The following VPS53 variants were observed in gnomAD, a reference collection of about 807,000 sequenced individuals.
The protein encoded by VPS53 is vacuolar protein sorting-associated protein 53 homolog.
In VPS53, 70 loss-of-function variants were observed where a neutral mutation model predicts 107.0. The observed-to-expected ratio is 0.65, with a 90% confidence interval of 0.54 to 0.80. VPS53 has a LOEUF of 0.80. Among genes scored for constraint, VPS53 ranks in the 30% least tolerant of loss-of-function variants. The probability of loss-of-function intolerance (pLI) is 0.00; values close to 1 mark genes in which losing one functional copy is unlikely to be tolerated. For missense variants in VPS53, 917 were observed against 1,049.4 expected (o/e 0.87, Z 1.74); for synonymous variants, 409 against 393.3 (o/e 1.04, Z -0.47).
intron 12 of VPS53, among the ~76,000 whole-genome samples, chr17:588,768 C>A (rs1445091175): frequency 1.3e-5 from 2 of 152,236 alleles, no homozygotes; most frequent in African/African-American, 4.8e-5. Context: ...GAGCTTGAAT[C>A]TGCCGGATCT....
At chr17:567,075 C>T (rs1349339206) in intron 13 of VPS53, among the ~76,000 whole-genome samples, 3 of 152,018 alleles carry the variant, frequency 2.0e-5, no homozygotes, top group East Asian at 1.9e-4. Flanking sequence ...CGTGAGCCAA[C>T]GCGCCAGCCA....
At chr17:646,772 ACTG>A (rs1970730445) in intron 7 of VPS53, among the ~76,000 whole-genome samples, 2 of 56,670 alleles carry the variant, frequency 3.5e-5, no homozygotes, top group Non-Finnish European at 1.3e-4. Context: ...AATCCACACC[ACTG>A]ACTGGAGATC....
chr17:686,169 A>C (rs561032607), intron 4 of VPS53, among the ~76,000 whole-genome samples: 91 of 152,190 alleles, frequency 6.0e-4, no homozygotes, highest in Middle Eastern at 6.8e-3. Flanking sequence ...AAGTGTTTTA[A>C]AACAGTCAGG....
chr17:579,058 C>T (rs1966865653), intron 13 of VPS53, among the ~76,000 whole-genome samples: 1 of 151,408 alleles, frequency 6.6e-6, no homozygotes, highest in Non-Finnish European at 1.5e-5. Context: ...CAGAGAACCT[C>T]CCTCAGAACC....
intron 13 of VPS53, among the ~76,000 whole-genome samples, chr17:575,539 T>C (rs1914524939): frequency 6.6e-6 from 1 of 151,882 alleles, no homozygotes; most frequent in Non-Finnish European, 1.5e-5. Context: ...ACCTAATGTG[T>C]TCCCAGAGAA....
rs867572163 is a variant in VPS53 at position 519,365 on chromosome 17, A to C, written c.2329-67T>G. 1.4e-6 allele frequency: 2 copies of C among 1,410,188 alleles called. No homozygotes were observed. The highest frequency in any genetic ancestry group is 3.7e-4 in the Middle Eastern group (2 of 5,420). 87.4% of individuals were successfully genotyped at this position (1,410,188 alleles called of 1,614,324 possible). ...CAGAATGGCCCACGGGGGACAGCGCAGTATCTGGATATGGGGTCAGCAGAG... is the reference window on the plus strand; with the variant it reads ...CAGAATGGCCCACGGGGGACAGCGCCGTATCTGGATATGGGGTCAGCAGAG... On this transcript the variant is annotated intron_variant, in intron 21 of 21. Transcript: ENST00000437048. This position sits in a 1 kb window ranked among gnomAD's most constrained non-coding sequence, Gnocchi z 5.0.
chr17:639,840 G>A (rs966496846), intron 7 of VPS53, among the ~76,000 whole-genome samples: 2 of 152,342 alleles, frequency 1.3e-5, no homozygotes, highest in East Asian at 3.9e-4. Flanking sequence ...TAGGCTACTC[G>A]GGGGTCAGGG....
intron 11 of VPS53, among the ~76,000 whole-genome samples, chr17:611,557 C>T (rs986266126): frequency 6.6e-6 from 1 of 152,184 alleles, no homozygotes; most frequent in African/African-American, 2.4e-5. Flanking sequence ...CTAGGGTTAC[C>T]ATGTGACCCA....
rs1306101665 is a variant in VPS53 at position 514,491 on chromosome 17, T to G, written c.*4637A>C. 1 of 146,782 alleles carries G rather than the reference T, an allele frequency of 6.8e-6. No homozygotes were observed. Among genetic ancestry groups the G allele is most frequent in the Non-Finnish European group, 1.5e-5 (1 of 66,758 alleles). 9.1% of individuals were successfully genotyped at this position (146,782 alleles called of 1,614,324 possible). On this transcript the variant is annotated 3_prime_UTR_variant, in exon 22 of 22. Transcript: ENST00000437048. ...AGCAGGTTATTCTGAGTGCTCTTCC[T>G]AGCCAAGGAATCCCATTTCCAGCAG... is the stretch of plus-strand genomic sequence containing the variant.
At chr17:662,514 C>T (rs972361407) in intron 4 of VPS53, among the ~76,000 whole-genome samples, 3 of 151,834 alleles carry the variant, frequency 2.0e-5, no homozygotes, top group Admixed American at 6.6e-5. Flanking sequence ...ACGGTGAAAC[C>T]CCATCTCTAC....
rs1245856880 is a variant in VPS53 at position 519,036 on chromosome 17, T to C, written c.*92A>G. The C allele has an allele frequency of 6.7e-6, 9 of 1,351,246 alleles. No homozygotes were observed. In the African/African-American group the frequency reaches 1.2e-4, roughly 18 times the overall value. 83.7% of individuals were successfully genotyped at this position (1,351,246 alleles called of 1,614,324 possible). A position where few individuals can be genotyped will look rare whatever the true frequency, so the allele number is the denominator to read the frequency against. The stretch of plus-strand genomic sequence containing the variant: ...CCAGGAAGTTTGAAGACCGACGATG[T>C]GAGAGTGCCGGGGAGCACAGGAGAG... On this transcript the variant is annotated 3_prime_UTR_variant, in exon 22 of 22. Transcript: ENST00000437048. The surrounding 1 kb of genome is among the most constrained non-coding windows in gnomAD (Gnocchi z 5.0).
At chr17:579,818 G>A (rs74482381) in intron 13 of VPS53, among the ~76,000 whole-genome samples, 2 of 146,414 alleles carry the variant, frequency 1.4e-5, no homozygotes, top group South Asian at 2.2e-4. Context: ...GACCTAATGC[G>A]TTCCCAGGGA....
intron 4 of VPS53, among the ~76,000 whole-genome samples, chr17:665,455 A>C (rs1971641774): frequency 6.6e-6 from 1 of 152,230 alleles, no homozygotes; most frequent in South Asian, 2.1e-4. Flanking sequence ...CTGTTACAGT[A>C]ACATAAAACA....
At chr17:559,239 C>T (rs1435882813) in intron 15 of VPS53, among the ~76,000 whole-genome samples, 1 of 152,084 alleles carries the variant, frequency 6.6e-6, no homozygotes, top group Non-Finnish European at 1.5e-5. Context: ...CCCCAAATTG[C>T]TAATATGATT....
intron 13 of VPS53, among the ~76,000 whole-genome samples, chr17:571,411 T>C (rs1567636586): frequency 6.6e-6 from 1 of 152,214 alleles, no homozygotes; most frequent in East Asian, 1.9e-4. Flanking sequence ...GGGCTCTTTG[T>C]ATAATTCTTA....
chr17:543,036 T>C (rs1910824478), intron 17 of VPS53, among the ~76,000 whole-genome samples: 2 of 151,824 alleles, frequency 1.3e-5, no homozygotes, highest in South Asian at 2.1e-4. Flanking sequence ...TTTGTCATAA[T>C]GGGAAAAATC....
At chr17:626,644 T>C (rs558836981) in intron 10 of VPS53, among the ~76,000 whole-genome samples, 1 of 152,272 alleles carries the variant, frequency 6.6e-6, no homozygotes. Flanking sequence ...ACTGCAGCAC[T>C]CCAGCCTGGG....
intron 13 of VPS53, among the ~76,000 whole-genome samples, chr17:571,493 CTCTCCCTCTCCCTACAG>C (rs1325199881): frequency 4.0e-4 from 57 of 141,426 alleles, no homozygotes; most frequent in Admixed American, 3.9e-3. Flanking sequence ...CTCCTTCTCC[CTCTCCCTCTCCCTACAG>C]TCTCCCTCTC....
chr17:542,655 T>C (rs904698769), intron 17 of VPS53, among the ~76,000 whole-genome samples: 1 of 152,182 alleles, frequency 6.6e-6, no homozygotes, highest in Admixed American at 6.5e-5. Context: ...TTAATTGAAA[T>C]TATGGTGATT....
Sources: allele counts gnomAD v4.1 joint callset (sites outside exome capture counted in the v4.1 genomes callset), GRCh38; gene constraint gnomAD v4.1.1; non-coding constraint Gnocchi (gnomAD v3.1); transcripts MANE v1.5; gene names NCBI Gene and HGNC (gene_info 2026-07-23, HGNC 2026-07-21).